Variants in PKD1L3 observed in about 807,000 individuals in gnomAD.
The protein encoded by PKD1L3 is polycystin-1-like protein 3.
PKD1L3 carries 239 observed loss-of-function variants against 184.1 expected under a neutral mutation model. That is an observed-to-expected ratio of 1.30 (90% CI 1.17 to 1.45). The LOEUF (loss-of-function observed/expected upper bound fraction) is 1.45, where lower values mean the gene tolerates loss of function less well. PKD1L3 is among the 40% of genes most tolerant of loss of function. The probability of loss-of-function intolerance (pLI) is 0.00; values close to 1 mark genes in which losing one functional copy is unlikely to be tolerated. For synonymous variants in PKD1L3, 996 were observed against 778.8 expected, an observed-to-expected ratio of 1.28 and a Z score of -4.64; for missense variants, 2,660 against 2,067.2, an observed-to-expected ratio of 1.29 and a Z score of -5.56.
intron 28 of PKD1L3, 64 bp from the exon 29 acceptor site, chr16:71,930,247 C>G: frequency 6.9e-7 from 1 of 1,441,142 alleles, no homozygotes; most frequent in Non-Finnish European, 9.2e-7. Context: ...CAAACATAAG[C>G]TATATGCTAG....
At chr16:71,986,086 G>A (rs913677139) in intron 5 of PKD1L3, 135 bp downstream of exon 5, 48 of 1,191,026 alleles carry the variant, frequency 4.0e-5, no homozygotes, top group Non-Finnish European at 5.2e-5. Context: ...GACTTGTTTA[G>A]TTTTTGTTTT....
intron 2 of PKD1L3, among the ~76,000 whole-genome samples, chr16:71,996,253 CTTTTTTT>C (rs67457253): frequency 1.5e-5 from 1 of 67,858 alleles, no homozygotes; most frequent in East Asian, 4.9e-4. Flanking sequence ...CCTCCCCCGC[CTTTTTTT>C]TTTTTTTTTT....
At chr16:71,971,594 G>C (rs569560990) in intron 12 of PKD1L3, among the ~76,000 whole-genome samples, 68 of 152,332 alleles carry the variant, frequency 4.5e-4, no homozygotes, top group Admixed American at 4.4e-3. Flanking sequence ...TCTGTGCTGT[G>C]AGAGGAGAAA....
intron 23 of PKD1L3, 119 bp downstream of exon 23, chr16:71,943,911 G>T: frequency 8.3e-7 from 1 of 1,201,970 alleles, no homozygotes; most frequent in Non-Finnish European, 1.1e-6. Context: ...ATCTCACAGG[G>T]TGAAGATTTT....
At chr16:71,960,952 G>C (rs1356584555) in intron 16 of PKD1L3, among the ~76,000 whole-genome samples, 2 of 152,002 alleles carry the variant, frequency 1.3e-5, no homozygotes, top group African/African-American at 2.4e-5. Flanking sequence ...AATAGTATTC[G>C]CTACCCCTTA....
In PKD1L3 at chr16:71,949,903, C is replaced by A; in HGVS notation, c.3498G>T (p.Leu1166=). Residue 1166 remains leucine, a synonymous_variant, in exon 21 of 30, where the codon CTG becomes CTT. Coordinates refer to ENST00000620267, the MANE Select transcript of PKD1L3 (RefSeq NM_181536.2). ...VCWLLLGFTS[L]ASAFFTALYS... ...AAAGTGCTGTAAAAAAGGCTGAAGC[C>A]AGGCTAGTGAAACCTAAGAGGAGCC... The A allele has an allele frequency of 6.4e-7, 1 of 1,551,658 alleles. No homozygotes were observed. Among genetic ancestry groups the A allele is most frequent in the Non-Finnish European group, 8.7e-7 (1 of 1,146,984 alleles).
chr16:71,973,946 G>C (rs1256426287), intron 11 of PKD1L3, among the ~76,000 whole-genome samples: 2 of 151,226 alleles, frequency 1.3e-5, no homozygotes, highest in Admixed American at 6.6e-5. Flanking sequence ...AAGTTGCAGT[G>C]AGCCGAAATC....
Position 71,952,999 on chromosome 16 carries a change from G to T in PKD1L3, c.2904C>A (p.Phe968Leu). 6.5e-7 allele frequency: 1 copy of T among 1,549,484 alleles called. No homozygotes were observed. Residue 968 changes from phenylalanine to leucine, a missense_variant, in exon 18 of 30, where the codon TTC (phenylalanine) becomes TTA (leucine). Phe to Leu is a conservative substitution (Grantham distance 22, BLOSUM62 0). Coordinates refer to ENST00000620267, the MANE Select transcript of PKD1L3 (RefSeq NM_181536.2). The stretch of plus-strand genomic sequence containing the variant: ...GAGTCTCCTGTGGCTCAATCAACGG[G>T]AAGAGCCGCCCTATGACAAGATTGA... ...FPINLVIGRL[F>L]PLIEPQETLP...
intron 18 of PKD1L3, 36 bp from the exon 19 acceptor site, chr16:71,951,780 T>G: frequency 6.6e-7 from 1 of 1,523,852 alleles, no homozygotes; most frequent in Middle Eastern, 1.7e-4. Context: ...ATCAGCCTGT[T>G]TTTCATTAAC....
chr16:71,992,650 ATATT>A (rs1436891558), intron 3 of PKD1L3, among the ~76,000 whole-genome samples: 3 of 152,234 alleles, frequency 2.0e-5, no homozygotes, highest in Non-Finnish European at 4.4e-5. Context: ...CTTTAAATAT[ATATT>A]CATGTCTCTA....
chr16:71,929,639 A>G lies in PKD1L3; in HGVS notation c.5098T>C (p.Ser1700Pro). 1 of 1,551,830 alleles carries G rather than the reference A, an allele frequency of 6.4e-7. No homozygotes were observed. The highest frequency in any genetic ancestry group is 1.4e-5 in the African/African-American group (1 of 73,174). Residue 1700 changes from serine (S) to proline (P), a missense_variant, in exon 30 of 30, where the codon TCA (serine) becomes CCA (proline). Physicochemically the swap from Ser to Pro is moderately conservative, Grantham distance 74. Coordinates refer to ENST00000620267, the MANE Select transcript of PKD1L3 (RefSeq NM_181536.2). The part of the protein sequence containing the change: ...ALIDTLLQKL[S>P]NLLGISWPQK... The stretch of plus-strand genomic sequence containing the variant: ...GGCCAACTGATTCCTAACAAATTTG[A>G]GAGCTTCTGTAGCAGTGTATCTATT...
At chr16:71,983,892 G>GGC in intron 6 of PKD1L3, 144 bp downstream of exon 6, 1 of 1,141,614 alleles carries the variant, frequency 8.8e-7, no homozygotes, top group South Asian at 1.6e-5. Context: ...TGAACTCCTG[G>GGC]CCTCATGTGA....
intron 24 of PKD1L3, among the ~76,000 whole-genome samples, chr16:71,937,756 C>A (rs1018751190): frequency 2.6e-5 from 4 of 152,108 alleles, no homozygotes; most frequent in African/African-American, 9.7e-5. Flanking sequence ...AGCACTGATA[C>A]CCCACGAGTA....
Position 71,933,425 on chromosome 16 carries a change from C to G in PKD1L3, c.4921G>C (p.Glu1641Gln). The change falls in exon 28 of 30, where the codon GAG becomes CAG. Residue 1641 changes from glutamate to glutamine, a missense_variant. By Grantham distance (29) the Glu-to-Gln change is conservative. Transcript: ENST00000620267. ...AAACAAATTATTATTTTTACCTCCTCTTGGTGAGAAATTCCCATCAGGAGA... is the reference window on the plus strand; with the variant it reads ...AAACAAATTATTATTTTTACCTCCTGTTGGTGAGAAATTCCCATCAGGAGA... ...VGLLMGISHQ[E>Q]EVFALDPVLG... The G allele has an allele frequency of 1.0e-5, 16 of 1,540,754 alleles. No homozygotes were observed. The highest frequency in any genetic ancestry group is 1.2e-5 in the Non-Finnish European group (14 of 1,137,086).
rs760295040 is a variant in PKD1L3 at position 71,943,016 on chromosome 16, G to C, written c.3868C>G (p.Leu1290Val). ...GCAGTCATCAACAGGGTAAGGAAGA[G>C]GATTTGTACTTGTTTAGAAGAGGAA... ...KLTGDILVQI[L>V]FLTLLMTAIY... The change falls in exon 24 of 30, where the codon CTC becomes GTC. Residue 1290 changes from leucine (L) to valine (V), a missense_variant. By Grantham distance (32) the Leu-to-Val change is conservative (BLOSUM62 1). Transcript: ENST00000620267. 23 of 1,547,956 alleles carry C rather than the reference G, an allele frequency of 1.5e-5. No individual in the cohort carries two copies. In the East Asian group the frequency reaches 2.9e-4, roughly 20 times the overall value.
intron 22 of PKD1L3, among the ~76,000 whole-genome samples, chr16:71,946,747 C>T (rs1597297778): frequency 1.1e-5 from 1 of 88,880 alleles, no homozygotes; most frequent in South Asian, 4.1e-4. Context: ...TTTAATTTGA[C>T]ATACTTGGAG....
chr16:71,988,339 C>A (rs1387687877), intron 4 of PKD1L3, among the ~76,000 whole-genome samples: 1 of 152,162 alleles, frequency 6.6e-6, no homozygotes. Context: ...GGATTACGGG[C>A]ACCTGCCATC....
chr16:71,954,324 G>GAAAT (rs1398572891), intron 16 of PKD1L3, 23 bp from the exon 17 acceptor site: 1 of 1,474,204 alleles, frequency 6.8e-7, no homozygotes, highest in Admixed American at 2.4e-5. Context: ...ATCAGAAGAG[G>GAAAT]AAATACATGA....
In PKD1L3 at chr16:71,930,074, C is replaced by A. The variant is rs1481142302; in HGVS notation, c.5036G>T (p.Gly1679Val). Residue 1679 changes from glycine to valine, a missense_variant, in exon 29 of 30, where the codon GGA becomes GTA. By Grantham distance (109) the Gly-to-Val change is moderately radical. Transcript: ENST00000620267. Reference sequence around the variant, plus strand: ...TACCTTAAGCGACTTTCTTTCTTTTCCAAAGGCCATGAGAATGGCCGAAAC... The same window carrying A: ...TACCTTAAGCGACTTTCTTTCTTTTACAAAGGCCATGAGAATGGCCGAAAC... ...LFVSAILMAF[G>V]KERKSLKKEA... The A allele has an allele frequency of 6.5e-6, 10 of 1,549,812 alleles. No homozygotes were observed. The East Asian group carries it at 1.5e-4, about 23-fold the overall frequency.
Sources: allele counts gnomAD v4.1 joint callset (sites outside exome capture counted in the v4.1 genomes callset), GRCh38; gene constraint gnomAD v4.1.1; transcripts MANE v1.5; gene names NCBI Gene and HGNC (gene_info 2026-07-23, HGNC 2026-07-21).